ATP11A: variants seen among roughly 807,000 people sequenced by gnomAD.
ATP11A encodes ATPase phospholipid transporting 11A.
ATP11A carries 81 observed loss-of-function variants against 154.4 expected under a neutral mutation model. The ratio of observed to expected loss-of-function variants is 0.52; its 90% CI spans 0.44 to 0.63. The LOEUF (loss-of-function observed/expected upper bound fraction) is 0.63, where lower values mean the gene tolerates loss of function less well. Ranked by LOEUF, ATP11A falls within the 30% of genes least tolerant of loss-of-function variation. The pLI is 0.00. For synonymous variants in ATP11A, 623 were observed against 585.9 expected (o/e 1.06, Z -0.91); for missense variants, 1,316 against 1,474.3 (o/e 0.89, Z 1.76).
At chr13:112,799,822 T>G (rs1328252627) in intron 2 of ATP11A, among the ~76,000 whole-genome samples, 2 of 152,202 alleles carry the variant, frequency 1.3e-5, no homozygotes, top group Non-Finnish European at 2.9e-5. Context: ...TTTCAAAGAA[T>G]AGAAATCATA....
In ATP11A at chr13:112,786,916, CCGG is replaced by C. The variant is rs1199860173; in HGVS notation, c.162+1660_162+1662del. Among the ~76,000 whole-genome samples, 531 of 151,946 alleles carry C rather than the reference CCGG, an allele frequency of 3.5e-3. 1 individual carries two copies. The highest frequency in any genetic ancestry group is 0.011 in the African/African-American group (462 of 41,382). On this transcript the variant is annotated intron_variant, in intron 2 of 29. Coordinates refer to ENST00000375645, the MANE Select transcript of ATP11A (RefSeq NM_015205.3). ...CTGCGATAGACCTACTTAATTCACA[CCGG>C]TGTCCTGACGTGTAGACCCCTGTGG...
In ATP11A at chr13:112,886,955, A is replaced by G. The variant is rs1471114543; in HGVS notation, c.*5089A>G. On this transcript the variant is annotated 3_prime_UTR_variant, in exon 30 of 30. Transcript: ENST00000375645. ...ACATTTAACTGATAATTCATTAATC[A>G]GCTTTGAAAAATTAAATTGTTAATT... 3 of 152,264 alleles carry G rather than the reference A, an allele frequency of 2.0e-5. No homozygotes were observed. The highest frequency in any genetic ancestry group is 4.4e-5 in the Non-Finnish European group (3 of 68,042). 9.4% of individuals were successfully genotyped at this position (152,264 alleles called of 1,614,324 possible). A position where few individuals can be genotyped will look rare whatever the true frequency, so the allele number is the denominator to read the frequency against.
intron 8 of ATP11A, among the ~76,000 whole-genome samples, chr13:112,820,670 C>A (rs1453069022): frequency 6.6e-6 from 1 of 152,254 alleles, no homozygotes; most frequent in Non-Finnish European, 1.5e-5. Context: ...ATTTCAAGAT[C>A]TAGCATTTGT....
At chr13:112,780,534 G>A (rs911828315) in intron 1 of ATP11A, among the ~76,000 whole-genome samples, 7 of 152,196 alleles carry the variant, frequency 4.6e-5, no homozygotes, top group African/African-American at 1.2e-4. Flanking sequence ...ATCAGTGGAC[G>A]CGCGTTTGGA....
chr13:112,864,474 G>A (rs1461251551), intron 25 of ATP11A, among the ~76,000 whole-genome samples: 5 of 84,016 alleles, frequency 6.0e-5, no homozygotes, highest in South Asian at 4.3e-4. Context: ...TCCCAGCGGG[G>A]TCCATCACCA....
chr13:112,707,659 G>A (rs527726986), intron 1 of ATP11A, among the ~76,000 whole-genome samples: 1 of 152,250 alleles, frequency 6.6e-6, no homozygotes, highest in East Asian at 1.9e-4. Context: ...CTCATGAGCT[G>A]AGCGAGAATC....
intron 1 of ATP11A, among the ~76,000 whole-genome samples, chr13:112,742,610 C>T (rs1336854308): frequency 3.3e-5 from 5 of 152,228 alleles, no homozygotes; most frequent in African/African-American, 9.6e-5. Context: ...GCGAAGCTAC[C>T]GCTTATGCCA....
rs1048159282 is a variant in ATP11A at position 112,697,226 on chromosome 13, C to T, written c.39+6771C>T. 2.0e-5 allele frequency among the ~76,000 whole-genome samples: 3 copies of T among 152,298 alleles called. No homozygotes were observed. The highest frequency in any genetic ancestry group is 1.9e-4 in the East Asian group (1 of 5,170). ...CTGGCCTCTGCCTTCCCCAGGGCCACGGTGGGCTCCTAGTGGCCTTTCTTC... is the reference window on the plus strand; with the variant it reads ...CTGGCCTCTGCCTTCCCCAGGGCCATGGTGGGCTCCTAGTGGCCTTTCTTC... On this transcript the variant is annotated intron_variant, in intron 1 of 29. Coordinates refer to ENST00000375645, the MANE Select transcript of ATP11A (RefSeq NM_015205.3). The surrounding 1 kb of genome is among the most constrained non-coding windows in gnomAD (Gnocchi z 4.0).
At position 112,694,234 on chromosome 13, in the gene ATP11A, A is replaced by G. The variant is rs76314391; in HGVS notation, c.39+3779A>G. The stretch of plus-strand genomic sequence containing the variant: ...TGAGGGTAAGAGCAGTACTCATTTC[A>G]TAGCTATTGTGAGGGTTGAATGAGG... On this transcript the variant is annotated intron_variant, in intron 1 of 29. Transcript: ENST00000375645. Among the ~76,000 whole-genome samples, 935 of 152,214 alleles carry G rather than the reference A, an allele frequency of 6.1e-3. 10 individuals carry two copies. Among genetic ancestry groups the G allele is most frequent in the African/African-American group, 0.021 (882 of 41,516 alleles).
rs562753263 is a variant in ATP11A, at chr13:112,807,522, G to A, written c.333+1229G>A. On this transcript the variant is annotated intron_variant, in intron 4 of 29. Coordinates refer to ENST00000375645, the MANE Select transcript of ATP11A (RefSeq NM_015205.3). This position sits in a 1 kb window ranked among gnomAD's most constrained non-coding sequence, Gnocchi z 4.5. ...ATGAGGGAGACTCACGCTTCCCAAG[G>A]ACGCGCTGCCTGTGACTCAGGCAGT... 1.3e-5 allele frequency among the ~76,000 whole-genome samples: 2 copies of A among 152,290 alleles called. No homozygotes were observed. Among genetic ancestry groups the A allele is most frequent in the East Asian group, 3.9e-4 (2 of 5,170 alleles).
At position 112,785,383 on chromosome 13, in the gene ATP11A, C is replaced by A. The variant is rs1190651566; in HGVS notation, c.162+126C>A. ...CTGCTGTCACAGCCACCAGCCACCC[C>A]CAGCAAGGGCTTCGGATCAGGACCT... On this transcript the variant is annotated intron_variant, in intron 2 of 29. Transcript: ENST00000375645. This position sits in a 1 kb window ranked among gnomAD's most constrained non-coding sequence, Gnocchi z 4.8. The A allele has an allele frequency of 8.7e-7, 1 of 1,147,816 alleles. No homozygotes were observed. The highest frequency in any genetic ancestry group is 1.1e-6 in the Non-Finnish European group (1 of 878,904). 71.1% of individuals were successfully genotyped at this position (1,147,816 alleles called of 1,614,324 possible). A position where few individuals can be genotyped will look rare whatever the true frequency, so the allele number is the denominator to read the frequency against.
intron 26 of ATP11A, 132 bp downstream of exon 26, chr13:112,871,932 T>G (rs1379793855): frequency 9.7e-7 from 1 of 1,027,068 alleles, no homozygotes; most frequent in African/African-American, 1.6e-5. Context: ...CAGCCTTGGC[T>G]GGCTCCTGGG....
intron 1 of ATP11A, among the ~76,000 whole-genome samples, chr13:112,739,375 A>G (rs1891307045): frequency 1.3e-5 from 2 of 152,242 alleles, no homozygotes; most frequent in East Asian, 1.9e-4. Flanking sequence ...GATGGTCAAC[A>G]TTATTTGCAT....
Position 112,859,712 on chromosome 13 carries a change from A to T in ATP11A, c.2727+260A>T, listed in dbSNP as rs753355828. Among the ~76,000 whole-genome samples, 1 of 152,166 alleles carries T rather than the reference A, an allele frequency of 6.6e-6. No homozygotes were observed. The highest frequency in any genetic ancestry group is 2.1e-4 in the South Asian group (1 of 4,834). Reference sequence around the variant, plus strand: ...GGCCCTGAGATGCGGGCCAGTGATGATGTGGTCTCCTCAGGGCCCAGCAGT... The same window carrying T: ...GGCCCTGAGATGCGGGCCAGTGATGTTGTGGTCTCCTCAGGGCCCAGCAGT... On this transcript the variant is annotated intron_variant, in intron 23 of 29. Transcript: ENST00000375645. This position sits in a 1 kb window ranked among gnomAD's most constrained non-coding sequence, Gnocchi z 4.3.
At chr13:112,759,990 C>T (rs1230027622) in intron 1 of ATP11A, among the ~76,000 whole-genome samples, 1 of 152,142 alleles carries the variant, frequency 6.6e-6, no homozygotes, top group African/African-American at 2.4e-5. Context: ...ATTAACTGGA[C>T]AGGAACCGAA....
intron 17 of ATP11A, among the ~76,000 whole-genome samples, chr13:112,847,690 G>A (rs112565674): frequency 0.012 from 1,888 of 152,320 alleles, 43 homozygotes; most frequent in African/African-American, 0.043. Context: ...CAGGATATGT[G>A]AGTCTTTCAA....
intron 1 of ATP11A, among the ~76,000 whole-genome samples, chr13:112,767,516 C>T (rs181699064): frequency 5.2e-4 from 38 of 73,720 alleles, no homozygotes; most frequent in African/African-American, 1.9e-3. Flanking sequence ...GTAGGGGTAT[C>T]GGGGGCCCCT....
chr13:112,806,218 T>G lies in ATP11A; in HGVS notation c.258T>G (p.Ile86Met), dbSNP rs1205243448. The change falls in exon 4 of 30, where the codon ATT (isoleucine) becomes ATG (methionine). Residue 86 changes from isoleucine (I) to methionine (M), a missense_variant. This residue lies in a region of ATP11A where 123 missense variants were observed against 113.7 expected (regional missense o/e 1.08). Transcript: ENST00000375645. Reference protein sequence around the residue: ...YFLIIFLVQLIIDTPTSPVTS... With the variant: ...YFLIIFLVQLMIDTPTSPVTS... ...ACAATTCTCTCTTTCTGCAGTTGAT[T>G]ATTGATACACCCACAAGTCCAGTGA... The G allele has an allele frequency of 3.1e-6, 5 of 1,611,840 alleles. No individual in the cohort carries two copies. Among genetic ancestry groups the G allele is most frequent in the Non-Finnish European group, 4.2e-6 (5 of 1,178,802 alleles).
At chr13:112,881,494 C>G (rs1173068729) in intron 29 of ATP11A, 1 of 1,104,798 alleles carries the variant, frequency 9.1e-7, no homozygotes, top group East Asian at 7.3e-5. Context: ...AGGGAGGAAG[C>G]TCGTAGGTTT....
Sources: allele counts gnomAD v4.1 joint callset (sites outside exome capture counted in the v4.1 genomes callset), GRCh38; gene constraint gnomAD v4.1.1; regional missense constraint gnomAD v4.1.1; non-coding constraint Gnocchi (gnomAD v3.1); transcripts MANE v1.5; gene names NCBI Gene and HGNC (gene_info 2026-07-23, HGNC 2026-07-21).